Variants in CIZ1 observed in about 807,000 individuals in gnomAD.
CIZ1 encodes the protein cip1-interacting zinc finger protein.
CIZ1 carries 58 observed loss-of-function variants against 118.6 expected under a neutral mutation model. That is an observed-to-expected ratio of 0.49 (90% confidence interval 0.40 to 0.61). CIZ1 has a LOEUF of 0.61. Ranked by LOEUF, CIZ1 falls within the 20% of genes least tolerant of loss-of-function variation. The pLI is 0.00. For synonymous variants in CIZ1, 448 were observed against 443.4 expected (o/e 1.01, Z -0.13); for missense variants, 921 against 1,115.9 (o/e 0.83, Z 2.49).
Position 128,166,231 on chromosome 9 carries a change from G to C in CIZ1, c.2663C>G (p.Pro888Arg), listed in dbSNP as rs749514915. 4.0e-6 allele frequency: 6 copies of C among 1,508,958 alleles called. No homozygotes were observed. The Admixed American group carries it at 8.3e-5, about 21-fold the overall frequency. 93.5% of individuals were successfully genotyped at this position (1,508,958 alleles called of 1,614,324 possible). A position where few individuals can be genotyped will look rare whatever the true frequency, so the allele number is the denominator to read the frequency against. Residue 888 changes from proline (P) to arginine (R), a missense_variant, in exon 17 of 17, where the codon CCA (proline) becomes CGA (arginine). By Grantham distance (103) the Pro-to-Arg change is moderately radical. Coordinates refer to ENST00000372938, the MANE Select transcript of CIZ1 (RefSeq NM_001131016.2). This position sits in a 1 kb window ranked among gnomAD's most constrained non-coding sequence, Gnocchi z 4.4. ...SKVTARPSQP[P>R]LPRRSTRLKT Reference sequence around the variant, plus strand: ...GAGGCGGGTTGAGCGCCGAGGTAGTGGGGGCTGGGAGGGTCGAGCCGTCAC... The same window carrying C: ...GAGGCGGGTTGAGCGCCGAGGTAGTCGGGGCTGGGAGGGTCGAGCCGTCAC...
intron 5 of CIZ1, among the ~76,000 whole-genome samples, chr9:128,182,607 G>A (rs764736758): frequency 1.8e-4 from 27 of 151,968 alleles, no homozygotes; most frequent in Non-Finnish European, 3.2e-4. Flanking sequence ...TACCTGCCCC[G>A]GCCATGCCCC....
chr9:128,190,472 G>A lies in CIZ1; in HGVS notation c.171-28C>T, dbSNP rs371935793. The A allele has an allele frequency of 1.9e-5, 29 of 1,553,372 alleles. 1 individual carries two copies. The African/African-American group carries it at 3.5e-4, about 19-fold the overall frequency. On this transcript the variant is annotated intron_variant, in intron 2 of 16. Transcript: ENST00000372938. ...GTGTGTTGGGAGGGGGTGTCAGAGG[G>A]TTATTTGGAAAGTCAGACCTTCCTT...
At position 128,190,710 on chromosome 9, in the gene CIZ1, G is replaced by C; in HGVS notation, c.148C>G (p.Pro50Ala). ...CACCGGCTGACAGCCATGGGCAACG[G>C]GGCCTGTGGTGGGGACTGCTGGAGC... is the stretch of plus-strand genomic sequence containing the variant. ...QLLQQSPPQA[P>A]LPMAVSRGLP... Residue 50 changes from proline to alanine, a missense_variant, in exon 2 of 17, where the codon CCG becomes GCG. Coordinates refer to ENST00000372938, the MANE Select transcript of CIZ1 (RefSeq NM_001131016.2). 6.4e-7 allele frequency: 1 copy of C among 1,552,108 alleles called. No individual in the cohort carries two copies. Among genetic ancestry groups the C allele is most frequent in the Non-Finnish European group, 8.7e-7 (1 of 1,149,374 alleles).
upstream of CIZ1, chr9:128,191,691 G>C (rs987719412): frequency 5.5e-5 from 71 of 1,287,918 alleles, no homozygotes; most frequent in Non-Finnish European, 6.5e-5. The surrounding 1 kb of genome is among the most constrained non-coding windows in gnomAD (Gnocchi z 5.5). Flanking sequence ...GGGCGGCTGC[G>C]GGGCGCTAGC....
chr9:128,183,311 C>T (rs144566916), intron 5 of CIZ1, among the ~76,000 whole-genome samples: 2,004 of 152,266 alleles, frequency 0.013, 24 homozygotes, highest in Middle Eastern at 0.024. Flanking sequence ...AGCTGTGGGG[C>T]GCAGGACCAA....
At chr9:128,185,510 C>T (rs952431302) in intron 5 of CIZ1, 37 bp downstream of exon 5, 1 of 1,353,544 alleles carries the variant, frequency 7.4e-7, no homozygotes, top group South Asian at 1.4e-5. Context: ...CACCCAGGGT[C>T]CCCTCCCGCC....
intron 5 of CIZ1, among the ~76,000 whole-genome samples, chr9:128,183,413 C>T (rs375082860): frequency 3.9e-5 from 6 of 152,224 alleles, no homozygotes; most frequent in African/African-American, 1.2e-4. Flanking sequence ...TGATGACAGG[C>T]CCGTTGGAAG....
upstream of CIZ1, among the ~76,000 whole-genome samples, chr9:128,193,397 G>A (rs922126998): frequency 6.6e-6 from 1 of 152,106 alleles, no homozygotes; most frequent in Non-Finnish European, 1.5e-5. Context: ...GCAGTGAGGA[G>A]AGAGGGGCGA....
At chr9:128,184,561 T>A (rs1371088835) in intron 5 of CIZ1, among the ~76,000 whole-genome samples, 1 of 147,668 alleles carries the variant, frequency 6.8e-6, no homozygotes, top group Non-Finnish European at 1.5e-5. Flanking sequence ...AGTGTGATCA[T>A]AATTCACTGC....
rs747559981 is a variant in CIZ1, at chr9:128,185,745, T to TG, written c.389dup (p.Gly131ArgfsTer86). 4.3e-6 allele frequency: 7 copies of TG among 1,613,478 alleles called. No homozygotes were observed. In the Admixed American group the frequency reaches 1.2e-4, roughly 27 times the overall value. ...GTGTGAGGCTGGGGGCTGCGAGGCC[T>TG]GGGGATGCCATGCCATAGCCTCGGA... On this transcript the variant is annotated frameshift_variant, in exon 5 of 17. Transcript: ENST00000372938. LOFTEE classifies it high-confidence loss of function.
intron 11 of CIZ1, among the ~76,000 whole-genome samples, chr9:128,173,875 A>G (rs182396134): frequency 9.5e-4 from 145 of 152,196 alleles, no homozygotes; most frequent in East Asian, 2.3e-3. Context: ...GCCTAGTGGT[A>G]GGCGCCTGTA....
chr9:128,204,091 GGCAGAGGTCA>G (rs1265586572), intron 1 of CIZ1: 11 of 152,928 alleles, frequency 7.2e-5, no homozygotes, highest in African/African-American at 2.7e-4. Flanking sequence ...CCTGGGCCGT[GGCAGAGGTCA>G]GCCCCCGCAT....
intron 8 of CIZ1, 23 bp from the exon 9 acceptor site, chr9:128,178,513 T>C: frequency 6.2e-7 from 1 of 1,614,088 alleles, no homozygotes; most frequent in South Asian, 1.1e-5. Context: ...ATGTGCTGTA[T>C]TTCCCAGAGT....
chr9:128,190,555 C>T, intron 2 of CIZ1, 111 bp from the exon 3 acceptor site: 1 of 1,361,192 alleles, frequency 7.3e-7, no homozygotes, highest in Non-Finnish European at 1.0e-6. Context: ...ACAGAGGACC[C>T]CTTGGGGCTG....
At chr9:128,173,741 TTG>T (rs1160512058) in intron 11 of CIZ1, among the ~76,000 whole-genome samples, 26 of 152,144 alleles carry the variant, frequency 1.7e-4, no homozygotes, top group South Asian at 4.1e-4. Context: ...GCATGGTGGC[TTG>T]CACCTGTAAT....
rs1450738603 is a variant in CIZ1 at position 128,180,490 on chromosome 9, G to A, written c.716C>T (p.Ala239Val). The change falls in exon 7 of 17, where the codon GCC becomes GTC. Residue 239 changes from alanine to valine, a missense_variant. Ala to Val is a moderately conservative substitution (Grantham distance 64). Transcript: ENST00000372938. ...AGGTGCTGGAGTGCGTTTTTCCTTG[G>A]CGATGTCCTCTGGGCAGGGCGGTAA... The part of the protein sequence containing the change: ...QDLPPCPEDI[A>V]KEKRTPAPEP... The A allele has an allele frequency of 6.2e-7, 1 of 1,614,032 alleles. No homozygotes were observed. Among genetic ancestry groups the A allele is most frequent in the African/African-American group, 1.3e-5 (1 of 74,910 alleles).
In CIZ1 at chr9:128,185,403, G is replaced by A. The variant is rs12555253; in HGVS notation, c.588+144C>T. Reference sequence around the variant, plus strand: ...GGAAACGCTAAACAAGTCCATTCCCGCCCCCCTCATTTTACAGATGAGGAA... The same window carrying A: ...GGAAACGCTAAACAAGTCCATTCCCACCCCCCTCATTTTACAGATGAGGAA... On this transcript the variant is annotated intron_variant, in intron 5 of 16. Transcript: ENST00000372938. 563 of 479,682 alleles carry A rather than the reference G, an allele frequency of 1.2e-3. 3 individuals are homozygous for A. Among genetic ancestry groups the A allele is most frequent in the African/African-American group, 0.01 (499 of 49,712 alleles). The allele number at this position is 479,682 out of a possible 1,614,324, so 29.7% of individuals were successfully genotyped here. A position where few individuals can be genotyped will look rare whatever the true frequency, so the allele number is the denominator to read the frequency against.
intron 5 of CIZ1, among the ~76,000 whole-genome samples, chr9:128,184,414 T>C (rs1386622402): frequency 1.3e-5 from 2 of 152,174 alleles, no homozygotes; most frequent in Non-Finnish European, 2.9e-5. Flanking sequence ...CATTTCTTTT[T>C]ACTTTATAAT....
chr9:128,189,121 G>A (rs1416236992), intron 3 of CIZ1, among the ~76,000 whole-genome samples: 1 of 152,070 alleles, frequency 6.6e-6, no homozygotes, highest in African/African-American at 2.4e-5. Context: ...ATTTTTAATA[G>A]AGACAGAGTT....
Sources: allele counts gnomAD v4.1 joint callset (sites outside exome capture counted in the v4.1 genomes callset), GRCh38; gene constraint gnomAD v4.1.1; non-coding constraint Gnocchi (gnomAD v3.1); transcripts MANE v1.5; gene names NCBI Gene and HGNC (gene_info 2026-07-23, HGNC 2026-07-21).